The following PRKD1 variants were observed in gnomAD, a reference collection of about 807,000 sequenced individuals.
The protein encoded by PRKD1 is serine/threonine-protein kinase D1.
In PRKD1, 63 loss-of-function variants were observed where a neutral mutation model predicts 95.9. That is an observed-to-expected ratio of 0.66 (90% confidence interval 0.54 to 0.81). The LOEUF is 0.81. PRKD1 is among the 30% of genes least tolerant of loss of function. The pLI is 0.00. For missense variants in PRKD1, 1,048 were observed against 1,165.3 expected, an observed-to-expected ratio of 0.90 and a Z score of 1.47; for synonymous variants, 425 against 423.1, an observed-to-expected ratio of 1.00 and a Z score of -0.05.
At chr14:29,873,715 C>T (rs550417524) in intron 1 of PRKD1, among the ~76,000 whole-genome samples, 1 of 151,654 alleles carries the variant, frequency 6.6e-6, no homozygotes, top group African/African-American at 2.4e-5. Context: ...GCACCCATCC[C>T]AGAAATGGGC....
chr14:29,688,548 T>C (rs953769357), intron 2 of PRKD1, among the ~76,000 whole-genome samples: 2 of 152,150 alleles, frequency 1.3e-5, no homozygotes, highest in Non-Finnish European at 2.9e-5. Flanking sequence ...TATAGTGATA[T>C]CCAGTGTAGT....
chr14:29,832,312 G>T (rs1467281101), intron 1 of PRKD1, among the ~76,000 whole-genome samples: 1 of 152,072 alleles, frequency 6.6e-6, no homozygotes, highest in African/African-American at 2.4e-5. Flanking sequence ...GCATTTCCCT[G>T]AGTACCACAA....
At chr14:29,610,092 C>G (rs982893489) in intron 13 of PRKD1, among the ~76,000 whole-genome samples, 1 of 10,538 alleles carries the variant, frequency 9.5e-5, no homozygotes, top group Non-Finnish European at 4.1e-4. Flanking sequence ...TCATTTTTTT[C>G]TAGTTTTTTT....
At chr14:29,845,331 T>A (rs1892038645) in intron 1 of PRKD1, among the ~76,000 whole-genome samples, 1 of 152,218 alleles carries the variant, frequency 6.6e-6, no homozygotes, top group South Asian at 2.1e-4. Context: ...TAAGGAGCTA[T>A]ACTATCTTAG....
rs1253392594 is a variant in PRKD1 at position 29,624,148 on chromosome 14, G to C, written c.1905+4C>G. Reference sequence around the variant, plus strand: ...CTTTCCCCAAATGAGAACCAAAGAAGTACCTGTAGAATTGCAACCTCATTA... The same window carrying C: ...CTTTCCCCAAATGAGAACCAAAGAACTACCTGTAGAATTGCAACCTCATTA... On this transcript the variant is annotated splice_donor_region_variant and intron_variant, in intron 13 of 17. Coordinates refer to ENST00000331968, the MANE Select transcript of PRKD1 (RefSeq NM_002742.3). The C allele has an allele frequency of 3.2e-6, 5 of 1,583,618 alleles. No individual in the cohort carries two copies. In the Middle Eastern group the frequency reaches 5.0e-4, roughly 160 times the overall value.
intron 1 of PRKD1, among the ~76,000 whole-genome samples, chr14:29,840,406 T>TTCAACAAG (rs1891790250): frequency 6.6e-6 from 1 of 152,164 alleles, no homozygotes; most frequent in Non-Finnish European, 1.5e-5. Context: ...GTCAAAGCCA[T>TTCAACAAG]TCAACAAGTC....
chr14:29,822,027 G>C (rs1890933974), intron 1 of PRKD1, among the ~76,000 whole-genome samples: 1 of 151,956 alleles, frequency 6.6e-6, no homozygotes, highest in African/African-American at 2.4e-5. Context: ...TCAGCACAGC[G>C]ACCAGGTTTT....
intron 1 of PRKD1, among the ~76,000 whole-genome samples, chr14:29,850,856 A>C (rs544659104): frequency 1.3e-5 from 2 of 151,978 alleles, no homozygotes; most frequent in African/African-American, 4.8e-5. Context: ...CAGTAACCAA[A>C]AAAAGCACAG....
chr14:29,813,255 G>A (rs1054051074), intron 1 of PRKD1, among the ~76,000 whole-genome samples: 3 of 152,178 alleles, frequency 2.0e-5, no homozygotes, highest in Admixed American at 6.5e-5. Flanking sequence ...AATTGTATGT[G>A]GGAAAGCCCA....
At chr14:29,816,119 GA>G (rs1407525780) in intron 1 of PRKD1, among the ~76,000 whole-genome samples, 1 of 152,320 alleles carries the variant, frequency 6.6e-6, no homozygotes, top group East Asian at 1.9e-4. Flanking sequence ...TCAGGAGACT[GA>G]GGCAGAAGAG....
At chr14:29,895,038 A>G (rs1295749050) in intron 1 of PRKD1, among the ~76,000 whole-genome samples, 2 of 150,866 alleles carry the variant, frequency 1.3e-5, no homozygotes, top group South Asian at 2.1e-4. Flanking sequence ...CACCATGTTT[A>G]TAAGAACAAA....
At position 29,920,040 on chromosome 14, in the gene PRKD1, GGAAGGAAGGAAGGAAGGAAGGAAGGAAA is replaced by G. The variant is rs536017294; in HGVS notation, c.264+7181_264+7208del. On this transcript the variant is annotated intron_variant, in intron 1 of 17. Coordinates refer to ENST00000331968, the MANE Select transcript of PRKD1 (RefSeq NM_002742.3). ...GGGAAGGAAGGAAGGAAGGAAGGAAGGAAGGAAGGAAGGAAGGAAGGAAGGAAAGAAGGAAGGAAGGAAGGAGAAAAGA... is the reference window on the plus strand; with the variant it reads ...GGGAAGGAAGGAAGGAAGGAAGGAAGGAAGGAAGGAAGGAAGGAGAAAAGA... Among the ~76,000 whole-genome samples, 1,113 of 137,768 alleles carry G rather than the reference GGAAGGAAGGAAGGAAGGAAGGAAGGAAA, an allele frequency of 8.1e-3. 26 individuals carry two copies. The highest frequency in any genetic ancestry group is 0.027 in the African/African-American group (936 of 34,074). The allele number at this position is 137,768 out of a possible 152,430, so 90.4% of individuals were successfully genotyped here. A position where few individuals can be genotyped will look rare whatever the true frequency, so the allele number is the denominator to read the frequency against.
intron 1 of PRKD1, among the ~76,000 whole-genome samples, chr14:29,766,095 A>G (rs917613835): frequency 1.3e-5 from 2 of 152,172 alleles, no homozygotes; most frequent in Non-Finnish European, 2.9e-5. Context: ...GAGAAGAGCA[A>G]CGACGAAGAG....
At position 29,880,146 on chromosome 14, in the gene PRKD1, C is replaced by T. The variant is rs150262955; in HGVS notation, c.264+47103G>A. Among the ~76,000 whole-genome samples the T allele has an allele frequency of 3.4e-3, 517 of 152,260 alleles. 2 individuals carry two copies. Among genetic ancestry groups the T allele is most frequent in the African/African-American group, 0.011 (450 of 41,546 alleles). ...AGACCATGGGGAAAATGTCTCCAGG[C>T]CATGTCAGAGACCTTCATGGCAGCC... On this transcript the variant is annotated intron_variant, in intron 1 of 17. Coordinates refer to ENST00000331968, the MANE Select transcript of PRKD1 (RefSeq NM_002742.3).
At chr14:29,614,856 A>ATTTTTTTTTTT (rs55917722) in intron 13 of PRKD1, among the ~76,000 whole-genome samples, 1 of 115,676 alleles carries the variant, frequency 8.6e-6, no homozygotes, top group Non-Finnish European at 1.7e-5. Context: ...TGCCCAGCTA[A>ATTTTTTTTTTT]TTTTTTTTTT....
At chr14:29,705,183 C>T (rs984217650) in intron 2 of PRKD1, among the ~76,000 whole-genome samples, 4 of 152,096 alleles carry the variant, frequency 2.6e-5, no homozygotes, top group Non-Finnish European at 4.4e-5. Flanking sequence ...AAATTTATCC[C>T]TGAAATAACT....
intron 1 of PRKD1, among the ~76,000 whole-genome samples, chr14:29,809,709 G>A (rs1300120062): frequency 6.6e-6 from 1 of 152,176 alleles, no homozygotes; most frequent in Non-Finnish European, 1.5e-5. Context: ...TGGCTTAAGG[G>A]TATGTTGTGG....
chr14:29,638,657 G>T (rs1880541789), intron 5 of PRKD1, 37 bp downstream of exon 5: 1 of 1,611,492 alleles, frequency 6.2e-7, no homozygotes, highest in East Asian at 2.2e-5. Flanking sequence ...ATGAATGAGG[G>T]TGATCAAAGT....
At chr14:29,795,809 G>A (rs1352234123) in intron 1 of PRKD1, among the ~76,000 whole-genome samples, 3 of 152,086 alleles carry the variant, frequency 2.0e-5, no homozygotes, top group South Asian at 2.1e-4. Flanking sequence ...GAAATAGTCC[G>A]TGGACTATGC....
Sources: allele counts gnomAD v4.1 joint callset (sites outside exome capture counted in the v4.1 genomes callset), GRCh38; gene constraint gnomAD v4.1.1; transcripts MANE v1.5; gene names NCBI Gene and HGNC (gene_info 2026-07-23, HGNC 2026-07-21).